Variants in CRADD observed in about 807,000 individuals in gnomAD.
CRADD encodes the protein CARD and death domain containing adaptor protein.
Under a neutral mutation model 15.5 loss-of-function variants are expected in CRADD, and 9 were observed. That is an observed-to-expected ratio of 0.58 (90% CI 0.35 to 1.01). CRADD has a LOEUF of 1.01. CRADD is among the 50% of genes least tolerant of loss of function. The probability of loss-of-function intolerance (pLI) is 0.02; values close to 1 mark genes in which losing one functional copy is unlikely to be tolerated. For missense variants in CRADD, 227 were observed against 250.3 expected, an observed-to-expected ratio of 0.91 and a Z score of 0.63; for synonymous variants, 118 against 107.6, an observed-to-expected ratio of 1.10 and a Z score of -0.60.
intron 2 of CRADD, among the ~76,000 whole-genome samples, chr12:93,860,135 G>GAA (rs11393339): frequency 6.2e-4 from 92 of 147,984 alleles, no homozygotes; most frequent in Middle Eastern, 3.4e-3. Context: ...ACGCAAATTT[G>GAA]AAAAAAAAAA....
intron 2 of CRADD, among the ~76,000 whole-genome samples, chr12:93,732,149 A>G (rs1956477851): frequency 6.6e-6 from 1 of 152,024 alleles, no homozygotes; most frequent in African/African-American, 2.4e-5. Context: ...GAAAAAAAAA[A>G]AAAAGAAAGA....
intron 2 of CRADD, among the ~76,000 whole-genome samples, chr12:93,719,724 G>A (rs1956224932): frequency 6.6e-6 from 1 of 151,884 alleles, no homozygotes; most frequent in Admixed American, 6.6e-5. Context: ...CAAATTTGTG[G>A]GCATAAAGTT....
intron 2 of CRADD, among the ~76,000 whole-genome samples, chr12:93,715,851 A>G (rs114723763): frequency 9.9e-4 from 151 of 152,204 alleles, no homozygotes; most frequent in African/African-American, 3.5e-3. Flanking sequence ...AGTAGAAAAA[A>G]ATTATTTAGG....
At chr12:93,876,007 C>A (rs1958456002) in intron 2 of CRADD, among the ~76,000 whole-genome samples, 1 of 152,014 alleles carries the variant, frequency 6.6e-6, no homozygotes, top group Non-Finnish European at 1.5e-5. Context: ...TTGATGAAAC[C>A]CCTCAGCTTT....
chr12:93,841,796 C>T (rs1462652120), intron 2 of CRADD, among the ~76,000 whole-genome samples: 2 of 152,154 alleles, frequency 1.3e-5, no homozygotes, highest in Non-Finnish European at 2.9e-5. Flanking sequence ...TTCTAAAAAG[C>T]GGCTGTGCTG....
intron 2 of CRADD, chr12:93,708,003 T>C (rs1955988565): frequency 6.6e-6 from 1 of 152,186 alleles, no homozygotes; most frequent in Admixed American, 6.5e-5. Context: ...AAGATGTCAG[T>C]CCTCTGAGTC....
At chr12:93,753,139 C>T (rs939365055) in intron 2 of CRADD, among the ~76,000 whole-genome samples, 7 of 152,056 alleles carry the variant, frequency 4.6e-5, no homozygotes, top group African/African-American at 1.2e-4. Flanking sequence ...AGCAAAGTCA[C>T]GTCTTACATG....
intron 2 of CRADD, among the ~76,000 whole-genome samples, chr12:93,813,911 G>A (rs1031106480): frequency 1.3e-5 from 2 of 152,174 alleles, no homozygotes; most frequent in African/African-American, 2.4e-5. Context: ...TCCAGGGCCA[G>A]CCAGAATCAC....
intron 2 of CRADD, among the ~76,000 whole-genome samples, chr12:93,862,188 G>A (rs1011451018): frequency 2.0e-5 from 3 of 152,120 alleles, no homozygotes; most frequent in African/African-American, 4.8e-5. Context: ...AAGGAACAAA[G>A]CTAGCCATCA....
intron 2 of CRADD, among the ~76,000 whole-genome samples, chr12:93,865,562 G>A (rs1468176228): frequency 6.6e-6 from 1 of 152,110 alleles, no homozygotes; most frequent in African/African-American, 2.4e-5. Context: ...AGGACTACAG[G>A]CACATGCCAC....
chr12:93,812,859 G>C lies in CRADD; in HGVS notation c.299-37111G>C, dbSNP rs148250675. Among the ~76,000 whole-genome samples, 89 of 152,220 alleles carry C rather than the reference G, an allele frequency of 5.8e-4. 1 individual carries two copies. In the East Asian group the frequency reaches 0.016, roughly 27 times the overall value. ...GGACTTGGTTAGTTATAATGCTATC[G>C]CAATATACCGCATCTTGAGTTGATT... On this transcript the variant is annotated intron_variant, in intron 2 of 2. Transcript: ENST00000332896.
rs376863199 is a variant in CRADD, at chr12:93,874,276, T to A, written c.299-19774T>A. ...CTAATGGTCCTTTGAAATTCTGTTG[T>A]ATCAGTTGTCATGTCTCCTTTTTCA... On this transcript the variant is annotated intron_variant, in intron 2 of 2. Coordinates refer to the CRADD transcript ENST00000548483. Among the ~76,000 whole-genome samples, 23 of 152,216 alleles carry A rather than the reference T, an allele frequency of 1.5e-4. 1 individual carries two copies. The East Asian group carries it at 2.9e-3, about 19-fold the overall frequency.
intron 2 of CRADD, among the ~76,000 whole-genome samples, chr12:93,692,466 G>A (rs1955597508): frequency 6.6e-6 from 1 of 152,102 alleles, no homozygotes; most frequent in Non-Finnish European, 1.5e-5. Flanking sequence ...AGAAGACCCT[G>A]ACAGCAGCAA....
chr12:93,770,960 G>C (rs1957080175), intron 2 of CRADD, among the ~76,000 whole-genome samples: 1 of 152,044 alleles, frequency 6.6e-6, no homozygotes, highest in Non-Finnish European at 1.5e-5. Context: ...CTTCCTCTTT[G>C]TACATAGAGT....
intron 2 of CRADD, among the ~76,000 whole-genome samples, chr12:93,735,370 G>A (rs935087914): frequency 2.6e-5 from 4 of 152,210 alleles, no homozygotes; most frequent in East Asian, 1.9e-4. Flanking sequence ...GTGACAAGGT[G>A]TGGGGATCCA....
At chr12:93,687,587 C>T (rs1955466683) in intron 2 of CRADD, among the ~76,000 whole-genome samples, 1 of 152,184 alleles carries the variant, frequency 6.6e-6, no homozygotes, top group East Asian at 1.9e-4. Flanking sequence ...GGGTTGAGAA[C>T]CTTGAGCTCT....
intron 2 of CRADD, among the ~76,000 whole-genome samples, chr12:93,796,223 G>A: frequency 6.6e-6 from 1 of 151,884 alleles, no homozygotes; most frequent in Non-Finnish European, 1.5e-5. Flanking sequence ...TTCTGCCATA[G>A]CCAACAGTTT....
intron 2 of CRADD, among the ~76,000 whole-genome samples, chr12:93,782,320 C>T (rs1441444214): frequency 7.5e-6 from 1 of 133,282 alleles, no homozygotes; most frequent in African/African-American, 2.9e-5. Flanking sequence ...GGAAGGGGAA[C>T]ATCACACACC....
At chr12:93,801,273 CA>C (rs1957473929) in intron 2 of CRADD, among the ~76,000 whole-genome samples, 1 of 152,184 alleles carries the variant, frequency 6.6e-6, no homozygotes, top group Non-Finnish European at 1.5e-5. Flanking sequence ...GAGGTGGAAG[CA>C]AAATGGTAGT....
Sources: allele counts gnomAD v4.1 joint callset (sites outside exome capture counted in the v4.1 genomes callset), GRCh38; gene constraint gnomAD v4.1.1; transcripts MANE v1.5; gene names NCBI Gene and HGNC (gene_info 2026-07-23, HGNC 2026-07-21).